Variants in CNTNAP2 observed in about 807,000 individuals in gnomAD.
CNTNAP2 encodes contactin-associated protein-like 2.
A neutral mutation model predicts 155.2 loss-of-function variants in CNTNAP2; 98 were observed. The ratio of observed to expected loss-of-function variants is 0.63; its 90% CI spans 0.54 to 0.75. The LOEUF (loss-of-function observed/expected upper bound fraction) is 0.75. CNTNAP2 is among the 30% of genes least tolerant of loss of function. The pLI is 0.00. For missense variants in CNTNAP2, 1,727 were observed against 1,688.1 expected, an observed-to-expected ratio of 1.02 and a Z score of -0.40; for synonymous variants, 651 against 631.2, an observed-to-expected ratio of 1.03 and a Z score of -0.47.
At chr7:148,301,324 G>GATATATATATATATATATAT (rs1797388874) in intron 21 of CNTNAP2, among the ~76,000 whole-genome samples, 1 of 112,380 alleles carries the variant, frequency 8.9e-6, no homozygotes, top group Non-Finnish European at 1.9e-5. Flanking sequence ...TATATATATA[G>GATATATATATATATATATAT]GTTAAAATGT....
intron 10 of CNTNAP2, among the ~76,000 whole-genome samples, chr7:147,411,290 A>G (rs893959351): frequency 2.0e-5 from 3 of 152,222 alleles, no homozygotes; most frequent in African/African-American, 7.2e-5. Flanking sequence ...TGGTATTTTA[A>G]TTGAGCACAA....
intron 13 of CNTNAP2, among the ~76,000 whole-genome samples, chr7:147,686,899 T>A (rs1796024366): frequency 6.6e-6 from 1 of 151,860 alleles, no homozygotes; most frequent in Non-Finnish European, 1.5e-5. Context: ...GGGTTATTAA[T>A]GGGTACAAAT....
chr7:146,928,952 G>T (rs935481487), intron 3 of CNTNAP2, among the ~76,000 whole-genome samples: 2 of 152,236 alleles, frequency 1.3e-5, no homozygotes, highest in South Asian at 4.1e-4. Flanking sequence ...ACTGGGTGGA[G>T]CCCACCACAG....
chr7:147,403,720 T>C (rs1329857594), intron 10 of CNTNAP2, among the ~76,000 whole-genome samples: 1 of 152,232 alleles, frequency 6.6e-6, no homozygotes, highest in Non-Finnish European at 1.5e-5. Flanking sequence ...TGTTTCTTAA[T>C]TTTCTGTTTC....
chr7:148,266,857 A>G (rs1002534561), intron 20 of CNTNAP2, among the ~76,000 whole-genome samples, 176 bp from the exon 21 acceptor site: 12 of 152,186 alleles, frequency 7.9e-5, no homozygotes, highest in African/African-American at 2.7e-4. Flanking sequence ...AAAGAACCCC[A>G]GCAAAGGAAG....
chr7:146,453,606 A>G (rs1436477796), intron 1 of CNTNAP2, among the ~76,000 whole-genome samples: 1 of 152,186 alleles, frequency 6.6e-6, no homozygotes, highest in Non-Finnish European at 1.5e-5. Flanking sequence ...ACAATCAATC[A>G]ATACTGACCA....
chr7:147,547,052 G>C (rs992064207), intron 11 of CNTNAP2, among the ~76,000 whole-genome samples: 3 of 152,062 alleles, frequency 2.0e-5, no homozygotes, highest in African/African-American at 7.2e-5. Flanking sequence ...TAAGAGGTGG[G>C]GCCAAAAGGA....
At chr7:146,698,479 C>T (rs1800820958) in intron 1 of CNTNAP2, among the ~76,000 whole-genome samples, 1 of 152,102 alleles carries the variant, frequency 6.6e-6, no homozygotes. Flanking sequence ...ATACCACTCT[C>T]TTCTTGCTTA....
intron 4 of CNTNAP2, among the ~76,000 whole-genome samples, chr7:147,090,995 G>A (rs1156872597): frequency 6.6e-6 from 1 of 151,992 alleles, no homozygotes; most frequent in African/African-American, 2.4e-5. Flanking sequence ...GAAAAATTAA[G>A]CTTGGGCAAG....
At chr7:148,210,447 A>AC (rs1339560754) in intron 18 of CNTNAP2, among the ~76,000 whole-genome samples, 4 of 152,168 alleles carry the variant, frequency 2.6e-5, no homozygotes, top group Non-Finnish European at 5.9e-5. Flanking sequence ...CCTGTTTAAG[A>AC]CCCTAGTAGA....
At chr7:147,526,417 A>G (rs763748113) in intron 11 of CNTNAP2, among the ~76,000 whole-genome samples, 2 of 152,138 alleles carry the variant, frequency 1.3e-5, no homozygotes, top group East Asian at 3.9e-4. Context: ...AATATGCTAT[A>G]ATCAGCCTGT....
chr7:146,493,563 C>A (rs1340643877), intron 1 of CNTNAP2, among the ~76,000 whole-genome samples: 1 of 151,982 alleles, frequency 6.6e-6, no homozygotes, highest in Non-Finnish European at 1.5e-5. Flanking sequence ...TTTCTAATCC[C>A]AGAAATTAGG....
rs367960295 is a variant in CNTNAP2, at chr7:146,780,488, C to T, written c.208+6107C>T. Reference sequence around the variant, plus strand: ...ACAGGCGTGAGCCACTGTGCCCGGCCGGTTTCCTGACTTTTTAATGATCAC... The same window carrying T: ...ACAGGCGTGAGCCACTGTGCCCGGCTGGTTTCCTGACTTTTTAATGATCAC... On this transcript the variant is annotated intron_variant, in intron 2 of 23. Coordinates refer to ENST00000361727, the MANE Select transcript of CNTNAP2 (RefSeq NM_014141.6). Among the ~76,000 whole-genome samples, 75 of 152,150 alleles carry T rather than the reference C, an allele frequency of 4.9e-4. 1 individual carries two copies. Among genetic ancestry groups the T allele is most frequent in the African/African-American group, 1.7e-3 (71 of 41,518 alleles).
At chr7:147,410,189 C>G (rs13241063) in intron 10 of CNTNAP2, among the ~76,000 whole-genome samples, 26,549 of 152,128 alleles carry the variant, frequency 0.17, 2,942 homozygotes, top group Non-Finnish European at 0.25. Context: ...ACATATACAC[C>G]ATGGAATACT....
At chr7:148,234,817 C>T (rs1451587473) in intron 20 of CNTNAP2, among the ~76,000 whole-genome samples, 1 of 152,168 alleles carries the variant, frequency 6.6e-6, no homozygotes, top group Non-Finnish European at 1.5e-5. Context: ...GACAATCACA[C>T]ATTTTTGGGT....
At chr7:146,827,555 T>C (rs761075302) in intron 2 of CNTNAP2, among the ~76,000 whole-genome samples, 13 of 152,054 alleles carry the variant, frequency 8.5e-5, no homozygotes, top group Middle Eastern at 3.4e-3. Context: ...TGACATTTTC[T>C]GGACAATTCC....
At chr7:147,121,581 G>A (rs1801112669) in intron 6 of CNTNAP2, 1 of 167,172 alleles carries the variant, frequency 6.0e-6, no homozygotes, top group Non-Finnish European at 1.3e-5. Context: ...TTTATATTAA[G>A]TCATTTAGAA....
chr7:148,408,682 T>C (rs1013831457), intron 22 of CNTNAP2, among the ~76,000 whole-genome samples: 3 of 152,230 alleles, frequency 2.0e-5, no homozygotes, highest in African/African-American at 4.8e-5. Context: ...GTTTCTGAAG[T>C]TGGATTAGGT....
intron 1 of CNTNAP2, among the ~76,000 whole-genome samples, chr7:146,715,699 T>A (rs911165548): frequency 1.3e-5 from 2 of 152,304 alleles, no homozygotes; most frequent in Non-Finnish European, 2.9e-5. Flanking sequence ...TACAGTTTTG[T>A]CAAAAAGAGA....
Sources: gnomAD v4.1 joint callset for allele counts (sites outside exome capture counted in the v4.1 genomes callset) on GRCh38, gnomAD v4.1.1 for gene constraint, MANE v1.5 for transcripts, NCBI Gene and HGNC (gene_info 2026-07-23, HGNC 2026-07-21) for gene names.